The following FSTL5 variants were observed in gnomAD, a reference collection of about 807,000 sequenced individuals.
FSTL5 encodes follistatin like 5.
Under a neutral mutation model 89.1 loss-of-function variants are expected in FSTL5, and 62 were observed. That is an observed-to-expected ratio of 0.70 (90% CI 0.57 to 0.86). FSTL5 has a LOEUF of 0.86. Ranked by LOEUF, FSTL5 falls within the 40% of genes least tolerant of loss-of-function variation. The probability of loss-of-function intolerance (pLI) is 0.00; values close to 1 mark genes in which losing one functional copy is unlikely to be tolerated. For missense variants in FSTL5, 1,057 were observed against 1,001.6 expected (o/e 1.06, Z -0.75); for synonymous variants, 383 against 346.2 (o/e 1.11, Z -1.18).
At chr4:161,488,139 A>G (rs921781885) in intron 12 of FSTL5, among the ~76,000 whole-genome samples, 2 of 152,144 alleles carry the variant, frequency 1.3e-5, no homozygotes, top group African/African-American at 2.4e-5. Context: ...AAATACTTTC[A>G]TAAGTTTTAA....
intron 15 of FSTL5, among the ~76,000 whole-genome samples, chr4:161,452,722 C>G (rs1398300278): frequency 6.6e-6 from 1 of 152,028 alleles, no homozygotes; most frequent in Non-Finnish European, 1.5e-5. Flanking sequence ...ATTCTACATG[C>G]AGGTAGAATT....
At chr4:162,141,330 T>G (rs1732737682) in intron 1 of FSTL5, among the ~76,000 whole-genome samples, 1 of 85,928 alleles carries the variant, frequency 1.2e-5, no homozygotes, top group Admixed American at 1.1e-4. Context: ...TTAGCCAGGA[T>G]GGTCTCGATC....
chr4:161,563,914 G>GA (rs768380085), intron 8 of FSTL5, among the ~76,000 whole-genome samples: 56 of 151,768 alleles, frequency 3.7e-4, no homozygotes, highest in African/African-American at 5.8e-4. Context: ...AAAATGAAAA[G>GA]AAAAAACAAC....
chr4:161,903,652 C>T (rs1733435879), intron 4 of FSTL5, among the ~76,000 whole-genome samples: 1 of 152,030 alleles, frequency 6.6e-6, no homozygotes, highest in Non-Finnish European at 1.5e-5. Flanking sequence ...ATCAGATTTT[C>T]CCCCAAATCA....
intron 2 of FSTL5, 152 bp from the exon 3 acceptor site, chr4:162,033,810 T>A: frequency 5.6e-6 from 3 of 532,322 alleles, no homozygotes; most frequent in Non-Finnish European, 9.9e-6. Context: ...ACATATAATT[T>A]TTTTTTGAGA....
chr4:161,441,494 C>A (rs1160382718), intron 15 of FSTL5, among the ~76,000 whole-genome samples: 2 of 152,034 alleles, frequency 1.3e-5, no homozygotes, highest in Non-Finnish European at 2.9e-5. Context: ...ACAAACATTT[C>A]TGTAAACTAG....
chr4:161,685,581 GAAGA>G (rs1737682913), intron 6 of FSTL5, among the ~76,000 whole-genome samples: 2 of 152,156 alleles, frequency 1.3e-5, no homozygotes, highest in Non-Finnish European at 2.9e-5. Flanking sequence ...TTGGTATATA[GAAGA>G]GATACTGATT....
intron 13 of FSTL5, among the ~76,000 whole-genome samples, chr4:161,466,900 T>A (rs1185235463): frequency 6.6e-6 from 1 of 152,074 alleles, no homozygotes; most frequent in Admixed American, 6.5e-5. Context: ...TATATTGTCA[T>A]AAAATATTTC....
At chr4:161,706,578 T>C (rs1041687460) in intron 6 of FSTL5, among the ~76,000 whole-genome samples, 1 of 152,062 alleles carries the variant, frequency 6.6e-6, no homozygotes, top group African/African-American at 2.4e-5. Context: ...TAGTGAAAGC[T>C]GTTACAGGAT....
At chr4:162,007,628 A>T (rs1324438474) in intron 3 of FSTL5, among the ~76,000 whole-genome samples, 2 of 120,174 alleles carry the variant, frequency 1.7e-5, no homozygotes, top group East Asian at 2.3e-4. Context: ...CCAACTTATT[A>T]AAAAAAAAGC....
intron 2 of FSTL5, among the ~76,000 whole-genome samples, chr4:162,069,843 A>G (rs1371201901): frequency 6.6e-6 from 1 of 151,546 alleles, no homozygotes; most frequent in Non-Finnish European, 1.5e-5. Context: ...ATGGTGCTGT[A>G]ATAAACATGG....
chr4:161,966,564 G>A (rs147583609), intron 3 of FSTL5, among the ~76,000 whole-genome samples: 20 of 152,080 alleles, frequency 1.3e-4, no homozygotes, highest in Middle Eastern at 3.4e-3. Flanking sequence ...TATGATTGGC[G>A]TTCTTATGAG....
chr4:161,455,528 T>C (rs978557829), intron 14 of FSTL5, among the ~76,000 whole-genome samples: 2 of 152,088 alleles, frequency 1.3e-5, no homozygotes, highest in African/African-American at 4.8e-5. Context: ...TTTTAAAAAC[T>C]CCAAATAAAT....
At chr4:161,640,509 A>G (rs1735915292) in intron 7 of FSTL5, among the ~76,000 whole-genome samples, 1 of 152,200 alleles carries the variant, frequency 6.6e-6, no homozygotes, top group South Asian at 2.1e-4. Context: ...CTGAAAATAT[A>G]GCAACTAAAA....
At chr4:161,738,129 A>G (rs1739884229) in intron 6 of FSTL5, among the ~76,000 whole-genome samples, 1 of 152,060 alleles carries the variant, frequency 6.6e-6, no homozygotes, top group African/African-American at 2.4e-5. Flanking sequence ...CTCCTCTTGC[A>G]CTGAGTAGGA....
At chr4:161,388,479 A>C (rs967372967) in intron 15 of FSTL5, 19 of 152,086 alleles carry the variant, frequency 1.2e-4, no homozygotes, top group African/African-American at 3.9e-4. Flanking sequence ...TCTCTGCATC[A>C]AAAAATCATA....
At position 161,920,593 on chromosome 4, in the gene FSTL5, T is replaced by G. The variant is rs1286791092; in HGVS notation, c.220A>C (p.Arg74=). ...SCENKYCGLG[R]HCVTSRETGQ... ...GTCTCTCTGCTGGTAACACAGTGTC[T>G]TCCCAAACCACAGTACTTATTTTCA... The change falls in exon 4 of 16, where the codon AGA becomes CGA. Residue 74 remains arginine (R), a synonymous_variant. Coordinates refer to ENST00000306100, the MANE Select transcript of FSTL5 (RefSeq NM_020116.5). 6.2e-7 allele frequency: 1 copy of G among 1,613,856 alleles called. No individual in the cohort carries two copies. Among genetic ancestry groups the G allele is most frequent in the African/African-American group, 1.3e-5 (1 of 74,886 alleles).
chr4:161,476,181 T>TTTTTTTG (rs1734135384), intron 13 of FSTL5, among the ~76,000 whole-genome samples: 1 of 117,820 alleles, frequency 8.5e-6, no homozygotes, highest in African/African-American at 3.4e-5. Context: ...TGGTTTTTTT[T>TTTTTTTG]TTTTTTTGTT....
At position 161,759,633 on chromosome 4, in the gene FSTL5, T is replaced by C. The variant is rs533120423; in HGVS notation, c.607-102A>G. 3 of 705,350 alleles carry C rather than the reference T, an allele frequency of 4.3e-6. No individual in the cohort carries two copies. The East Asian group carries it at 1.1e-4, about 26-fold the overall frequency. The allele number at this position is 705,350 out of a possible 1,614,324, so 43.7% of individuals were successfully genotyped here. A position where few individuals can be genotyped will look rare whatever the true frequency, so the allele number is the denominator to read the frequency against. ...ATCACATAATAGTTCATTTCATGTC[T>C]GCAGCAGGGCAAAAAACTCAATTTT... On this transcript the variant is annotated intron_variant, in intron 5 of 15. Transcript: ENST00000306100.
Sources: gnomAD v4.1 joint callset for allele counts (sites outside exome capture counted in the v4.1 genomes callset) on GRCh38, gnomAD v4.1.1 for gene constraint, MANE v1.5 for transcripts, NCBI Gene and HGNC (gene_info 2026-07-23, HGNC 2026-07-21) for gene names.